CTBP1: variants seen among roughly 807,000 people sequenced by gnomAD.
CTBP1 encodes the protein C-terminal binding protein 1, also known as C-terminal-binding protein 1.
A neutral mutation model predicts 42.1 loss-of-function variants in CTBP1; 11 were observed. The observed-to-expected ratio is 0.26, with a 90% CI of 0.16 to 0.43. The LOEUF is 0.43. Among genes scored for constraint, CTBP1 ranks in the 20% least tolerant of loss-of-function variants. The pLI is 1.00. For synonymous variants in CTBP1, 324 were observed against 277.1 expected, an observed-to-expected ratio of 1.17 and a Z score of -1.68; for missense variants, 399 against 624.3, an observed-to-expected ratio of 0.64 and a Z score of 3.85.
At chr4:1,249,864 T>G (rs941754050), upstream of CTBP1, 2 of 205,226 alleles carry the variant, frequency 9.7e-6, no homozygotes, top group Admixed American at 1.3e-4. Flanking sequence ...CTGCTTTCCC[T>G]TTAAGCATTA....
chr4:1,242,891 G>A (rs1012245034), intron 1 of CTBP1: 124 of 985,226 alleles, frequency 1.3e-4, no homozygotes, highest in Non-Finnish European at 1.4e-4. Context: ...CGCCACCCAC[G>A]CCCAGCCAAA....
chr4:1,216,477 C>G, intron 5 of CTBP1: 1 of 578,736 alleles, frequency 1.7e-6, no homozygotes, highest in South Asian at 2.0e-5. Flanking sequence ...ACACCACTCC[C>G]CTGCAGCCTG....
chr4:1,220,653 A>C (rs1330788631), intron 5 of CTBP1, among the ~76,000 whole-genome samples: 2 of 152,256 alleles, frequency 1.3e-5, no homozygotes, highest in Non-Finnish European at 2.9e-5. Context: ...GAAAGGGAAG[A>C]AAAACAGGTC....
At chr4:1,241,767 C>G in intron 1 of CTBP1, 1 of 1,192,144 alleles carries the variant, frequency 8.4e-7, no homozygotes, top group Non-Finnish European at 1.1e-6. Context: ...GCCCCGAGGC[C>G]TACTCCTGGG....
chr4:1,219,901 T>C lies in CTBP1; in HGVS notation c.515-3696A>G, dbSNP rs573423405. Among the ~76,000 whole-genome samples the C allele has an allele frequency of 7.9e-5, 12 of 152,320 alleles. No individual in the cohort carries two copies. In the South Asian group the frequency reaches 2.1e-3, roughly 26 times the overall value. On this transcript the variant is annotated intron_variant, in intron 5 of 9. Transcript: ENST00000382952. ...ACTCAAGTGTATTTCTACCTACTAA[T>C]AACCAACTGTCAAGAAACAATTAGG...
rs142386097 is a variant in CTBP1, at chr4:1,231,356, C to T, written c.163-3013G>A. 4.3e-3 allele frequency among the ~76,000 whole-genome samples: 654 copies of T among 152,342 alleles called. 3 individuals are homozygous for T. Among genetic ancestry groups the T allele is most frequent in the Middle Eastern group, 0.034 (10 of 294 alleles). The stretch of plus-strand genomic sequence containing the variant: ...GTCCCTTTAGATCGGGGCCCAGCAG[C>T]CTCCCAGAAACCACCTCAAGCCAAC... On this transcript the variant is annotated intron_variant, in intron 3 of 9. Transcript: ENST00000382952.
intron 9 of CTBP1, chr4:1,212,645 C>T (rs1013949295): frequency 1.8e-5 from 11 of 611,874 alleles, no homozygotes; most frequent in South Asian, 1.0e-4. Context: ...ATGAGGTCTT[C>T]GCCTCACCCA....
Position 1,238,142 on chromosome 4 carries a change from A to G in CTBP1, c.162+41T>C, listed in dbSNP as rs181443220. The G allele has an allele frequency of 3.7e-5, 59 of 1,611,908 alleles. No homozygotes were observed. The highest frequency in any genetic ancestry group is 2.5e-4 in the East Asian group (11 of 44,860). ...GCTCCCGTCCCTCCAACTCCCCCCAACGTGCGGTTCTGCCAGCCCCAGGCG... is the reference window on the plus strand; with the variant it reads ...GCTCCCGTCCCTCCAACTCCCCCCAGCGTGCGGTTCTGCCAGCCCCAGGCG... On this transcript the variant is annotated intron_variant, in intron 3 of 9. Coordinates refer to ENST00000382952, the MANE Select transcript of CTBP1 (RefSeq NM_001012614.2). This position sits in a 1 kb window ranked among gnomAD's most constrained non-coding sequence, Gnocchi z 5.9.
At chr4:1,242,767 A>G in intron 1 of CTBP1, 2 of 985,424 alleles carry the variant, frequency 2.0e-6, no homozygotes, top group African/African-American at 1.7e-5. Flanking sequence ...CCTGAATGCC[A>G]GATCTCCCCA....
intron 3 of CTBP1, among the ~76,000 whole-genome samples, 193 bp from the exon 4 acceptor site, chr4:1,228,536 C>T (rs1036861177): frequency 2.0e-5 from 3 of 152,238 alleles, no homozygotes; most frequent in Admixed American, 1.3e-4. Context: ...TCTGCCCAGG[C>T]GTCCTGAGTC....
At chr4:1,239,106 CCT>C (rs1455384346) in intron 2 of CTBP1, among the ~76,000 whole-genome samples, 1 of 152,238 alleles carries the variant, frequency 6.6e-6, no homozygotes, top group African/African-American at 2.4e-5. Flanking sequence ...ACTCTGTGCC[CCT>C]GACCTTCCCA....
At chr4:1,243,692 C>G in intron 1 of CTBP1, 2 of 985,462 alleles carry the variant, frequency 2.0e-6, no homozygotes, top group Non-Finnish European at 2.4e-6. Context: ...GGGAGCTGGC[C>G]TCCTACGGCC....
intron 1 of CTBP1, chr4:1,243,049 T>C (rs1560283313): frequency 2.0e-6 from 2 of 985,410 alleles, no homozygotes; most frequent in East Asian, 1.1e-4. Context: ...TACTCATTGA[T>C]ACCGGCTGAT....
At chr4:1,220,697 C>T (rs1269554176) in intron 5 of CTBP1, among the ~76,000 whole-genome samples, 2 of 152,274 alleles carry the variant, frequency 1.3e-5, no homozygotes, top group Non-Finnish European at 2.9e-5. Flanking sequence ...GACCCACTCA[C>T]ATGTGGCCAA....
chr4:1,231,687 A>G (rs745839160), intron 3 of CTBP1, among the ~76,000 whole-genome samples: 7 of 152,210 alleles, frequency 4.6e-5, no homozygotes, highest in Non-Finnish European at 7.4e-5. Context: ...TGCTGCTCAC[A>G]TCAGGTCACC....
rs994380098 is a variant in CTBP1 at position 1,235,823 on chromosome 4, C to T, written c.162+2360G>A. ...CCAGATGGTGATTTGTAGAAATGAC[C>T]CGAGGCCTCGGCTGACGCTGTCTTC... On this transcript the variant is annotated intron_variant, in intron 3 of 9. Transcript: ENST00000382952. This position sits in a 1 kb window ranked among gnomAD's most constrained non-coding sequence, Gnocchi z 4.2. 6.6e-6 allele frequency: 1 copy of T among 152,184 alleles called. No homozygotes were observed. Among genetic ancestry groups the T allele is most frequent in the African/African-American group, 2.4e-5 (1 of 41,406 alleles). 9.4% of individuals were successfully genotyped at this position (152,184 alleles called of 1,614,324 possible).
chr4:1,216,630 C>T, intron 5 of CTBP1: 1 of 254,948 alleles, frequency 3.9e-6, no homozygotes, highest in South Asian at 5.2e-5. Context: ...TCAATTCCAG[C>T]CACCACTACG....
intron 5 of CTBP1, chr4:1,217,284 C>G (rs1169007590): frequency 6.6e-6 from 1 of 152,312 alleles, no homozygotes; most frequent in East Asian, 1.9e-4. Context: ...CGCACTACAT[C>G]CTAGAAAGGG....
intron 4 of CTBP1, 56 bp from the exon 5 acceptor site, chr4:1,225,622 A>G: frequency 6.7e-7 from 1 of 1,489,794 alleles, no homozygotes; most frequent in Non-Finnish European, 9.0e-7. Context: ...CTCCGGGAGG[A>G]CACCGGGGCC....
Sources: allele counts gnomAD v4.1 joint callset (sites outside exome capture counted in the v4.1 genomes callset), GRCh38; gene constraint gnomAD v4.1.1; non-coding constraint Gnocchi (gnomAD v3.1); transcripts MANE v1.5; gene names NCBI Gene and HGNC (gene_info 2026-07-23, HGNC 2026-07-21).